NCK2: variants seen among roughly 807,000 people sequenced by gnomAD.
NCK2 encodes cytoplasmic protein NCK2.
NCK2 carries 16 observed loss-of-function variants against 33.9 expected under a neutral mutation model. The ratio of observed to expected loss-of-function variants is 0.47; its 90% CI spans 0.32 to 0.72. The LOEUF is 0.72. Ranked by LOEUF, NCK2 falls within the 30% of genes least tolerant of loss-of-function variation. NCK2 has a pLI of 0.03. For synonymous variants in NCK2, 273 were observed against 239.9 expected, an observed-to-expected ratio of 1.14 and a Z score of -1.27; for missense variants, 418 against 537.3, an observed-to-expected ratio of 0.78 and a Z score of 2.19.
intron 2 of NCK2, among the ~76,000 whole-genome samples, chr2:105,830,692 T>TGC (rs945611824): frequency 2.2e-4 from 29 of 129,484 alleles, no homozygotes; most frequent in Middle Eastern, 7.6e-3. Context: ...TGTGTGTGTG[T>TGC]GTGTGTGTGT....
At chr2:105,819,209 A>T (rs556173101) in intron 2 of NCK2, among the ~76,000 whole-genome samples, 77 of 152,108 alleles carry the variant, frequency 5.1e-4, no homozygotes, top group African/African-American at 1.7e-3. Flanking sequence ...GGGCATTCCC[A>T]GGTCTCTCTT....
At chr2:105,794,551 C>T (rs1691008189) in intron 1 of NCK2, among the ~76,000 whole-genome samples, 1 of 152,016 alleles carries the variant, frequency 6.6e-6, no homozygotes, top group Non-Finnish European at 1.5e-5. Context: ...GTTTATCTCA[C>T]AGGGGAAATA....
Position 105,893,313 on chromosome 2 carries a change from C to T in NCK2, c.*137C>T, listed in dbSNP as rs1679075727. 2.3e-6 allele frequency: 2 copies of T among 887,388 alleles called. No individual in the cohort carries two copies. The highest frequency in any genetic ancestry group is 3.3e-6 in the Non-Finnish European group (2 of 601,658). 55.0% of individuals were successfully genotyped at this position (887,388 alleles called of 1,614,324 possible). A position where few individuals can be genotyped will look rare whatever the true frequency, so the allele number is the denominator to read the frequency against. On this transcript the variant is annotated 3_prime_UTR_variant, in exon 5 of 5. Coordinates refer to ENST00000233154, the MANE Select transcript of NCK2 (RefSeq NM_003581.5). ...TCTCTTTATGTTCAGGTCGCTTGGT[C>T]GGTTCGTCTCCCATTTGCCATCCAG...
chr2:105,767,226 A>G (rs1423383585), intron 1 of NCK2, among the ~76,000 whole-genome samples: 2 of 152,182 alleles, frequency 1.3e-5, no homozygotes, highest in Non-Finnish European at 2.9e-5. Context: ...TCACACATAC[A>G]TGTCATGTCA....
At chr2:105,781,557 A>G (rs950178109) in intron 1 of NCK2, among the ~76,000 whole-genome samples, 1 of 152,240 alleles carries the variant, frequency 6.6e-6, no homozygotes, top group African/African-American at 2.4e-5. Flanking sequence ...TGCTGGCATG[A>G]ATCATGACCT....
chr2:105,744,855 CG>C, upstream of NCK2: 1 of 148,390 alleles, frequency 6.7e-6, no homozygotes, highest in Non-Finnish European at 1.4e-5. Flanking sequence ...CGCTGCGCGC[CG>C]GGGGAGGGTC....
intron 1 of NCK2, among the ~76,000 whole-genome samples, chr2:105,751,171 T>C (rs1273885100): frequency 1.3e-5 from 2 of 152,158 alleles, no homozygotes; most frequent in Admixed American, 1.3e-4. Context: ...TCCCAAACCA[T>C]TTGCAGCTTC....
rs187814699 is a variant in NCK2, at chr2:105,811,236, T to G, written c.-200-5194T>G. On this transcript the variant is annotated intron_variant, in intron 1 of 4. Coordinates refer to ENST00000233154, the MANE Select transcript of NCK2 (RefSeq NM_003581.5). ...GCTTTGATACATTTTTGGCACCACA[T>G]CATCAATTTTTGATAATGTCCATTC... Among the ~76,000 whole-genome samples, 5 of 151,936 alleles carry G rather than the reference T, an allele frequency of 3.3e-5. No homozygotes were observed. The East Asian group carries it at 9.7e-4, about 29-fold the overall frequency.
chr2:105,893,853 C>T lies in NCK2; in HGVS notation c.*677C>T, dbSNP rs1407851424. ...CATAGTGCTTTTTCCTCTTGCCCTTCGGCTTGTTTGAATCTCACAATTATG... is the reference window on the plus strand; with the variant it reads ...CATAGTGCTTTTTCCTCTTGCCCTTTGGCTTGTTTGAATCTCACAATTATG... On this transcript the variant is annotated 3_prime_UTR_variant, in exon 5 of 5. Transcript: ENST00000233154. 2 of 152,614 alleles carry T rather than the reference C, an allele frequency of 1.3e-5. No individual in the cohort carries two copies. Among genetic ancestry groups the T allele is most frequent in the East Asian group, 3.8e-4 (2 of 5,196 alleles). The allele number at this position is 152,614 out of a possible 1,614,324, so 9.5% of individuals were successfully genotyped here. A position where few individuals can be genotyped will look rare whatever the true frequency, so the allele number is the denominator to read the frequency against.
chr2:105,893,149 G>A lies in NCK2; in HGVS notation c.1116G>A (p.Lys372=). The change falls in exon 5 of 5, where the codon AAG becomes AAA. Residue 372 remains lysine, a synonymous_variant. Transcript: ENST00000233154. ...TCTTCACCAGCGAGCACGGGGAGAA[G>A]CTCTACCTCGTCAGGGCCCTGCAGT... ...APIFTSEHGE[K]LYLVRALQ 1.2e-6 allele frequency: 2 copies of A among 1,606,916 alleles called. No homozygotes were observed. The highest frequency in any genetic ancestry group is 1.7e-6 in the Non-Finnish European group (2 of 1,176,644).
intron 2 of NCK2, among the ~76,000 whole-genome samples, chr2:105,827,399 A>G (rs1282770050): frequency 6.6e-6 from 1 of 152,238 alleles, no homozygotes; most frequent in Non-Finnish European, 1.5e-5. Context: ...ACCCATGATT[A>G]TACTTGAAGA....
chr2:105,799,456 G>T lies in NCK2; in HGVS notation c.-200-16974G>T, dbSNP rs542769919. Among the ~76,000 whole-genome samples the T allele has an allele frequency of 8.1e-4, 123 of 152,228 alleles. 1 individual carries two copies. Among genetic ancestry groups the T allele is most frequent in the African/African-American group, 2.9e-3 (122 of 41,536 alleles). On this transcript the variant is annotated intron_variant, in intron 1 of 4. Coordinates refer to ENST00000233154, the MANE Select transcript of NCK2 (RefSeq NM_003581.5). ...CCCATGGCCATTTATTGAGAAGGCT[G>T]TCTCTTCCCTGGGGACTTGACTTGA...
At chr2:105,888,595 G>A (rs1678820013) in intron 4 of NCK2, among the ~76,000 whole-genome samples, 2 of 152,168 alleles carry the variant, frequency 1.3e-5, no homozygotes. Flanking sequence ...AAATTCTTTG[G>A]TACTCTTTGC....
At chr2:105,844,710 G>C (rs927700167) in intron 2 of NCK2, among the ~76,000 whole-genome samples, 1 of 147,920 alleles carries the variant, frequency 6.8e-6, no homozygotes, top group African/African-American at 2.5e-5. Context: ...ACTCCAGCCT[G>C]AGCAACAGAG....
intron 1 of NCK2, among the ~76,000 whole-genome samples, chr2:105,812,636 C>CT (rs1675332078): frequency 6.6e-6 from 1 of 152,162 alleles, no homozygotes; most frequent in African/African-American, 2.4e-5. Flanking sequence ...TATGCTAATC[C>CT]ATGCTTTTTT....
intron 1 of NCK2, among the ~76,000 whole-genome samples, chr2:105,780,984 A>C (rs1014243076): frequency 6.6e-6 from 1 of 152,188 alleles, no homozygotes; most frequent in Non-Finnish European, 1.5e-5. Context: ...AGCCTTGACT[A>C]AGTGACCCTC....
chr2:105,761,033 T>C (rs1056076614), intron 1 of NCK2, among the ~76,000 whole-genome samples: 1 of 152,178 alleles, frequency 6.6e-6, no homozygotes, highest in African/African-American at 2.4e-5. Context: ...AGCCCTGGTC[T>C]GTGACTGGGC....
At chr2:105,892,738 C>T (rs529346644) in intron 4 of NCK2, among the ~76,000 whole-genome samples, 22 of 151,508 alleles carry the variant, frequency 1.5e-4, no homozygotes, top group African/African-American at 5.1e-4. Context: ...CCCAGGTACT[C>T]GGGAGGCCGA....
chr2:105,765,873 TA>T (rs1689924271), intron 1 of NCK2, among the ~76,000 whole-genome samples: 1 of 151,722 alleles, frequency 6.6e-6, no homozygotes, highest in African/African-American at 2.4e-5. Flanking sequence ...TTTCATTATA[TA>T]AAAAATTAAG....
Sources: allele counts gnomAD v4.1 joint callset (sites outside exome capture counted in the v4.1 genomes callset), GRCh38; gene constraint gnomAD v4.1.1; transcripts MANE v1.5; gene names NCBI Gene and HGNC (gene_info 2026-07-23, HGNC 2026-07-21).